Variants in ZNF398 observed in about 807,000 individuals in gnomAD.
ZNF398 encodes the protein zinc finger protein 398.
Under a neutral mutation model 41.9 loss-of-function variants are expected in ZNF398, and 18 were observed. That is an observed-to-expected ratio of 0.43 (90% CI 0.30 to 0.64). The LOEUF is 0.64. Ranked by LOEUF, ZNF398 falls within the 30% of genes least tolerant of loss-of-function variation. The probability of loss-of-function intolerance (pLI) is 0.14; values close to 1 mark genes in which losing one functional copy is unlikely to be tolerated. For missense variants in ZNF398, 669 were observed against 822.8 expected (o/e 0.81, Z 2.29); for synonymous variants, 260 against 308.8 (o/e 0.84, Z 1.66).
intron 1 of ZNF398, among the ~76,000 whole-genome samples, chr7:149,152,753 T>C (rs1398238632): frequency 6.6e-6 from 1 of 151,824 alleles, no homozygotes; most frequent in Non-Finnish European, 1.5e-5. Context: ...TTAGTAGAGA[T>C]GGGATTTCTC....
At chr7:149,149,333 A>C (rs994933539) in intron 1 of ZNF398, among the ~76,000 whole-genome samples, 1 of 152,044 alleles carries the variant, frequency 6.6e-6, no homozygotes. Context: ...TTGCCGGTTC[A>C]AGCGATTCTC....
chr7:149,147,648 G>A lies in ZNF398; in HGVS notation c.-95G>A. ...GGGCCGGGTCGGCGCCGCCTGTGGAGAGGACCCGGCGGCCGGGCCTGCTTG... is the reference window on the plus strand; with the variant it reads ...GGGCCGGGTCGGCGCCGCCTGTGGAAAGGACCCGGCGGCCGGGCCTGCTTG... On this transcript the variant is annotated 5_prime_UTR_variant, in exon 1 of 6. Transcript: ENST00000475153. This position sits in a 1 kb window ranked among gnomAD's most constrained non-coding sequence, Gnocchi z 5.6. The A allele has an allele frequency of 8.3e-7, 1 of 1,209,200 alleles. No individual in the cohort carries two copies. Among genetic ancestry groups the A allele is most frequent in the Non-Finnish European group, 1.0e-6 (1 of 969,912 alleles). The allele number at this position is 1,209,200 out of a possible 1,614,324, so 74.9% of individuals were successfully genotyped here.
chr7:149,155,635 T>G (rs1794948635), intron 2 of ZNF398, among the ~76,000 whole-genome samples: 2 of 149,846 alleles, frequency 1.3e-5, no homozygotes, highest in Admixed American at 1.3e-4. Flanking sequence ...TTAACTAAGG[T>G]GTAATGAGGA....
At chr7:149,177,386 G>A (rs1049890592) in intron 5 of ZNF398, among the ~76,000 whole-genome samples, 1 of 152,038 alleles carries the variant, frequency 6.6e-6, no homozygotes, top group East Asian at 1.9e-4. Context: ...GATCACTCGA[G>A]CCCAGGAGTT....
At position 149,180,992 on chromosome 7, in the gene ZNF398, G is replaced by T. The variant is rs560378235; in HGVS notation, c.*1191G>T. On this transcript the variant is annotated 3_prime_UTR_variant, in exon 6 of 6. Coordinates refer to ENST00000475153, the MANE Select transcript of ZNF398 (RefSeq NM_170686.3). ...CATAGACAACAGTTTGTTCTTGCCT[G>T]TGTTGCTTTTAGGGACTTTGACTAC... 1 of 152,620 alleles carries T rather than the reference G, an allele frequency of 6.6e-6. No individual in the cohort carries two copies. Among genetic ancestry groups the T allele is most frequent in the African/African-American group, 2.4e-5 (1 of 41,452 alleles). The allele number at this position is 152,620 out of a possible 1,614,324, so 9.5% of individuals were successfully genotyped here.
intron 1 of ZNF398, among the ~76,000 whole-genome samples, chr7:149,127,500 A>G (rs1212440154): frequency 6.8e-6 from 1 of 146,512 alleles, no homozygotes; most frequent in Non-Finnish European, 1.5e-5. Flanking sequence ...AGGTCAGGAG[A>G]GCGAGACCAT....
At chr7:149,129,402 C>G (rs187023189) in intron 2 of ZNF398, among the ~76,000 whole-genome samples, 1 of 151,988 alleles carries the variant, frequency 6.6e-6, no homozygotes, top group African/African-American at 2.4e-5. Flanking sequence ...TTTTTTGAGA[C>G]GGAGTCTTGC....
In ZNF398 at chr7:149,178,999, C is replaced by G. The variant is rs754781181; in HGVS notation, c.1127C>G (p.Pro376Arg). The G allele has an allele frequency of 6.2e-7, 1 of 1,613,688 alleles. No individual in the cohort carries two copies. Among genetic ancestry groups the G allele is most frequent in the Non-Finnish European group, 8.5e-7 (1 of 1,179,898 alleles). Residue 376 changes from proline to arginine, a missense_variant, in exon 6 of 6, where the codon CCT becomes CGT. Physicochemically the swap from Pro to Arg is moderately radical, Grantham distance 103 (BLOSUM62 -2). Coordinates refer to ENST00000475153, the MANE Select transcript of ZNF398 (RefSeq NM_170686.3). ...TEHPLPCAQC[P>R]KHFTPQADLS... ...CACCCCTTACCCTGTGCCCAGTGCC[C>G]TAAGCACTTTACTCCACAGGCGGAC...
rs939465764 is a variant in ZNF398, at chr7:149,167,558, C to G, written c.661+628C>G. Among the ~76,000 whole-genome samples, 10 of 152,122 alleles carry G rather than the reference C, an allele frequency of 6.6e-5. 1 individual carries two copies. The highest frequency in any genetic ancestry group is 2.4e-4 in the African/African-American group (10 of 41,438). On this transcript the variant is annotated intron_variant, in intron 4 of 5. Coordinates refer to ENST00000475153, the MANE Select transcript of ZNF398 (RefSeq NM_170686.3). ...TAGAAGCACACAGAAAGTTGATCCT[C>G]CGGGCATCTCTATTATATGAACTTC...
intron 1 of ZNF398, among the ~76,000 whole-genome samples, chr7:149,151,688 TA>T (rs1282140475): frequency 1.3e-4 from 20 of 148,342 alleles, no homozygotes; most frequent in East Asian, 3.9e-4. Context: ...AATAAAAAAA[TA>T]AAAAAAAAAT....
chr7:149,162,296 C>T (rs1363075158), intron 2 of ZNF398, among the ~76,000 whole-genome samples: 7 of 152,132 alleles, frequency 4.6e-5, no homozygotes, highest in African/African-American at 7.2e-5. Flanking sequence ...ATTCTCCTGC[C>T]GCAGCCTCCC....
At chr7:149,141,644 C>T (rs1005097519) in intron 2 of ZNF398, among the ~76,000 whole-genome samples, 4 of 151,928 alleles carry the variant, frequency 2.6e-5, no homozygotes, top group East Asian at 1.9e-4. Flanking sequence ...TTAGTAGAGA[C>T]GGGGTTTCAC....
At chr7:149,175,886 A>G (rs1795451135) in intron 4 of ZNF398, among the ~76,000 whole-genome samples, 1 of 151,974 alleles carries the variant, frequency 6.6e-6, no homozygotes, top group Non-Finnish European at 1.5e-5. Context: ...GGGTTTTGCC[A>G]CGTTGGTCAG....
At chr7:149,128,755 A>AATAAT (rs1826535033) in intron 1 of ZNF398, 1 of 112,662 alleles carries the variant, frequency 8.9e-6, no homozygotes, top group Non-Finnish European at 1.7e-5. Context: ...TCTGTCTCAA[A>AATAAT]AAAATAAAAT....
chr7:149,157,327 G>C (rs1563160196), intron 2 of ZNF398, among the ~76,000 whole-genome samples: 1 of 151,904 alleles, frequency 6.6e-6, no homozygotes, highest in Non-Finnish European at 1.5e-5. Flanking sequence ...GAGGTCAGGA[G>C]ATCGCGACCA....
rs562686330 is a variant in ZNF398, at chr7:149,169,143, A to G, written c.661+2213A>G. 1.1e-4 allele frequency among the ~76,000 whole-genome samples: 16 copies of G among 152,228 alleles called. No homozygotes were observed. In the East Asian group the frequency reaches 3.1e-3, roughly 29 times the overall value. The stretch of plus-strand genomic sequence containing the variant: ...TTTTGTGATAACGTATCAAAGTTTC[A>G]TTTTGCTGTTATCTTGTCAGTTTGT... On this transcript the variant is annotated intron_variant, in intron 4 of 5. Coordinates refer to ENST00000475153, the MANE Select transcript of ZNF398 (RefSeq NM_170686.3).
rs144742698 is a variant in ZNF398 at position 149,154,178 on chromosome 7, C to T, written c.258C>T (p.Thr86=). 6.7e-5 allele frequency: 108 copies of T among 1,614,126 alleles called. No individual in the cohort carries two copies. In the African/African-American group the frequency reaches 8.9e-4, roughly 13 times the overall value. The change falls in exon 2 of 6, where the codon ACC becomes ACT. Residue 86 remains threonine (T), a synonymous_variant. Transcript: ENST00000475153. ...KKLASCEKTV[T]ELGNQLEGKW... The stretch of plus-strand genomic sequence containing the variant: ...TAGCCAGCTGTGAAAAGACAGTTAC[C>T]GAGCTTGGGAACCAGCTGGAGGGCA...
chr7:149,176,202 G>T (rs1795457799), intron 4 of ZNF398, among the ~76,000 whole-genome samples: 1 of 151,976 alleles, frequency 6.6e-6, no homozygotes, highest in Non-Finnish European at 1.5e-5. Context: ...ACTTAGCTGG[G>T]CGTGGTGGCA....
intron 4 of ZNF398, among the ~76,000 whole-genome samples, chr7:149,173,422 A>T (rs1193672131): frequency 6.6e-6 from 1 of 151,754 alleles, no homozygotes; most frequent in Non-Finnish European, 1.5e-5. Flanking sequence ...ATGTTTATTT[A>T]TTTTTTTGAG....
Sources: allele counts gnomAD v4.1 joint callset (sites outside exome capture counted in the v4.1 genomes callset), GRCh38; gene constraint gnomAD v4.1.1; non-coding constraint Gnocchi (gnomAD v3.1); transcripts MANE v1.5; gene names NCBI Gene and HGNC (gene_info 2026-07-23, HGNC 2026-07-21).